The following ST18 variants were observed in gnomAD, a reference collection of about 807,000 sequenced individuals.
ST18 encodes suppression of tumorigenicity 18 protein.
Under a neutral mutation model 110.0 loss-of-function variants are expected in ST18, and 50 were observed. That is an observed-to-expected ratio of 0.45 (90% CI 0.36 to 0.58). The LOEUF (loss-of-function observed/expected upper bound fraction) is 0.58. Ranked by LOEUF, ST18 falls within the 20% of genes least tolerant of loss-of-function variation. ST18 has a pLI of 0.00. For missense variants in ST18, 1,306 were observed against 1,280.1 expected, an observed-to-expected ratio of 1.02 and a Z score of -0.31; for synonymous variants, 461 against 452.4, an observed-to-expected ratio of 1.02 and a Z score of -0.24.
chr8:52,254,007 G>A (rs2094441304), intron 2 of ST18, among the ~76,000 whole-genome samples: 1 of 151,468 alleles, frequency 6.6e-6, no homozygotes, highest in African/African-American at 2.4e-5. Flanking sequence ...GAGAGAGACA[G>A]AGAGAAATAC....
At chr8:52,380,504 C>T (rs1042846770) in intron 2 of ST18, among the ~76,000 whole-genome samples, 2 of 152,048 alleles carry the variant, frequency 1.3e-5, no homozygotes, top group East Asian at 3.9e-4. Flanking sequence ...TGTTCAAGGG[C>T]CCACTGCACA....
intron 2 of ST18, among the ~76,000 whole-genome samples, chr8:52,242,825 T>C (rs535119239): frequency 6.6e-6 from 1 of 150,776 alleles, no homozygotes; most frequent in African/African-American, 2.4e-5. Context: ...TGAGCCAAGA[T>C]CATGCCATTG....
intron 18 of ST18, 112 bp from the exon 19 acceptor site, chr8:52,136,770 G>T: frequency 1.1e-6 from 1 of 885,778 alleles, no homozygotes; most frequent in Non-Finnish European, 1.7e-6. Flanking sequence ...TGGGGATTGG[G>T]AAAAAAAAAT....
rs867938140 is a variant in ST18 at position 52,409,726 on chromosome 8, C to T, written c.-768G>A. 1.4e-4 allele frequency: 22 copies of T among 152,282 alleles called. No homozygotes were observed. Among genetic ancestry groups the T allele is most frequent in the African/African-American group, 4.3e-4 (18 of 41,470 alleles). The allele number at this position is 152,282 out of a possible 1,614,324, so 9.4% of individuals were successfully genotyped here. ...TCACATTCAGTTAAAAACATCCTGC[C>T]CTTCTCCCTACAAAAAGGTTCCATA... On this transcript the variant is annotated 5_prime_UTR_variant, in exon 1 of 26. Coordinates refer to ENST00000689386, the MANE Select transcript of ST18 (RefSeq NM_001352837.2).
At chr8:52,164,190 A>T in intron 12 of ST18, 100 bp from the exon 13 acceptor site, 2 of 980,750 alleles carry the variant, frequency 2.0e-6, no homozygotes, top group Non-Finnish European at 3.2e-6. Context: ...CTAAATGTTA[A>T]GTCATATTAA....
intron 2 of ST18, among the ~76,000 whole-genome samples, chr8:52,392,287 C>T (rs564727791): frequency 2.6e-5 from 4 of 151,632 alleles, no homozygotes; most frequent in African/African-American, 4.8e-5. Context: ...GTGATGGTGA[C>T]GGTGGTGGTA....
At chr8:52,216,498 G>A (rs1167471423) in intron 6 of ST18, among the ~76,000 whole-genome samples, 1 of 152,226 alleles carries the variant, frequency 6.6e-6, no homozygotes, top group African/African-American at 2.4e-5. Flanking sequence ...ATGGATCAAG[G>A]CCATAATATA....
chr8:52,296,289 C>T (rs551590968), intron 2 of ST18: 5 of 152,284 alleles, frequency 3.3e-5, no homozygotes, highest in South Asian at 2.1e-4. Context: ...CTTTTATTGA[C>T]GTCTGGCTGA....
At chr8:52,137,010 A>T (rs2052690389) in intron 18 of ST18, among the ~76,000 whole-genome samples, 1 of 152,200 alleles carries the variant, frequency 6.6e-6, no homozygotes, top group African/African-American at 2.4e-5. Context: ...ATCAATGGAG[A>T]TGGTGAGTAG....
Position 52,370,237 on chromosome 8 carries a change from C to T in ST18, c.-465+39091G>A, listed in dbSNP as rs145861710. Among the ~76,000 whole-genome samples, 568 of 152,248 alleles carry T rather than the reference C, an allele frequency of 3.7e-3. 3 individuals are homozygous for T. Among genetic ancestry groups the T allele is most frequent in the African/African-American group, 0.013 (523 of 41,548 alleles). On this transcript the variant is annotated intron_variant, in intron 2 of 25. Transcript: ENST00000689386. ...GCGTCTAATAAGGGACTTCCTGGGA[C>T]GACCAAGACAAGGTAAACAAAGGGC... is the stretch of plus-strand genomic sequence containing the variant.
intron 2 of ST18, among the ~76,000 whole-genome samples, chr8:52,328,629 TC>T (rs1807611855): frequency 6.6e-6 from 1 of 152,312 alleles, no homozygotes; most frequent in Non-Finnish European, 1.5e-5. Context: ...CATTATGTGC[TC>T]ACTAGCACTG....
At chr8:52,344,328 T>A (rs2140240578) in intron 2 of ST18, among the ~76,000 whole-genome samples, 1 of 152,178 alleles carries the variant, frequency 6.6e-6, no homozygotes, top group East Asian at 1.9e-4. Flanking sequence ...TAGAATAGTT[T>A]AAACAGGAGC....
At chr8:52,227,020 T>C (rs1356707562) in intron 3 of ST18, among the ~76,000 whole-genome samples, 1 of 152,236 alleles carries the variant, frequency 6.6e-6, no homozygotes, top group African/African-American at 2.4e-5. Flanking sequence ...AGATAAAATG[T>C]AGTTATTTAA....
chr8:52,367,461 C>CCTT (rs1186200340), intron 2 of ST18, among the ~76,000 whole-genome samples: 4 of 151,854 alleles, frequency 2.6e-5, no homozygotes, highest in Admixed American at 2.6e-4. Context: ...TTAAAAATAT[C>CCTT]CTTAGGATAA....
chr8:52,213,206 TACCATGGTTAATGATA>T, intron 7 of ST18, among the ~76,000 whole-genome samples: 1 of 152,332 alleles, frequency 6.6e-6, no homozygotes, highest in South Asian at 2.1e-4. Flanking sequence ...GCATTTTGAT[TACCATGGTTAATGATA>T]ACCATGGTTA....
At position 52,187,773 on chromosome 8, in the gene ST18, G is replaced by A. The variant is rs928900937; in HGVS notation, c.87-7461C>T. Among the ~76,000 whole-genome samples, 13 of 152,232 alleles carry A rather than the reference G, an allele frequency of 8.5e-5. 1 individual carries two copies. In the Middle Eastern group the frequency reaches 0.017, roughly 199 times the overall value. On this transcript the variant is annotated intron_variant, in intron 8 of 25. Coordinates refer to ENST00000689386, the MANE Select transcript of ST18 (RefSeq NM_001352837.2). ...CTTGCAGATGTTCTCAATGGTATCC[G>A]TATGTACATTTGGCCTAATTACCCA...
At position 52,178,630 on chromosome 8, in the gene ST18, A is replaced by C. The variant is rs1173747957; in HGVS notation, c.277+1492T>G. 6.9e-5 allele frequency among the ~76,000 whole-genome samples: 9 copies of C among 130,748 alleles called. 3 individuals are homozygous for C. Among genetic ancestry groups the C allele is most frequent in the African/African-American group, 1.0e-4 (3 of 28,790 alleles). 85.8% of individuals were successfully genotyped at this position (130,748 alleles called of 152,430 possible). On this transcript the variant is annotated intron_variant, in intron 9 of 25. Coordinates refer to ENST00000689386, the MANE Select transcript of ST18 (RefSeq NM_001352837.2). Reference sequence around the variant, plus strand: ...AGACTCCATCAAAAAAAAAAAAAAAAAAAAAAAAAAAAACCACCAAAAACC... The same window carrying C: ...AGACTCCATCAAAAAAAAAAAAAAACAAAAAAAAAAAAACCACCAAAAACC...
intron 9 of ST18, among the ~76,000 whole-genome samples, chr8:52,179,316 A>T (rs1350610134): frequency 1.3e-5 from 2 of 152,222 alleles, no homozygotes; most frequent in African/African-American, 4.8e-5. Context: ...AGAAATCCTA[A>T]AGTTTTGAAA....
rs150446645 is a variant in ST18, at chr8:52,402,226, T to G, written c.-465+7102A>C. ...TTAGCTGAGGGGATCCCTGTTATTA[T>G]CAGGTGTGACATGGGCCACAGGCAG... is the stretch of plus-strand genomic sequence containing the variant. On this transcript the variant is annotated intron_variant, in intron 2 of 25. Transcript: ENST00000689386. Among the ~76,000 whole-genome samples the G allele has an allele frequency of 8.7e-4, 132 of 152,230 alleles. No individual in the cohort carries two copies. The East Asian group carries it at 0.022, about 25-fold the overall frequency.
Sources: gnomAD v4.1 joint callset for allele counts (sites outside exome capture counted in the v4.1 genomes callset) on GRCh38, gnomAD v4.1.1 for gene constraint, MANE v1.5 for transcripts, NCBI Gene and HGNC (gene_info 2026-07-23, HGNC 2026-07-21) for gene names.